Variants in CYP4X1 observed in about 807,000 individuals in gnomAD.
CYP4X1 encodes cytochrome P450 4X1.
CYP4X1 carries 44 observed loss-of-function variants against 57.9 expected under a neutral mutation model. That is an observed-to-expected ratio of 0.76 (90% CI 0.60 to 0.98). The LOEUF is 0.98. Among genes scored for constraint, CYP4X1 ranks in the 50% least tolerant of loss-of-function variants. CYP4X1 has a pLI of 0.00. For synonymous variants in CYP4X1, 227 were observed against 228.6 expected (o/e 0.99, Z 0.06); for missense variants, 532 against 623.9 (o/e 0.85, Z 1.57).
At chr1:47,051,819 G>GTACAAACCCAAATAAAT (rs1644361712), downstream of CYP4X1, among the ~76,000 whole-genome samples, 1 of 151,850 alleles carries the variant, frequency 6.6e-6, no homozygotes, top group South Asian at 2.1e-4. Flanking sequence ...TTTTTTTCTG[G>GTACAAACCCAAATAAAT]TACAAACCCA....
At position 47,036,071 on chromosome 1, in the gene CYP4X1, C is replaced by T. The variant is rs1308275603; in HGVS notation, c.675C>T (p.His225=). Reference sequence around the variant, plus strand: ...TTGAACTCAGCAAAATCATATTTCACCGCTTGTACAGTTTGTTGTATCACA... The same window carrying T: ...TTGAACTCAGCAAAATCATATTTCATCGCTTGTACAGTTTGTTGTATCACA... The part of the protein sequence containing the change: ...AIFELSKIIF[H]RLYSLLYHSD... Residue 225 remains histidine, a synonymous_variant, in exon 6 of 12, where the codon CAC becomes CAT. Transcript: ENST00000371901. 1.9e-6 allele frequency: 3 copies of T among 1,613,724 alleles called. No individual in the cohort carries two copies. Among genetic ancestry groups the T allele is most frequent in the South Asian group, 2.2e-5 (2 of 91,036 alleles).
At chr1:47,011,926 G>T in the CYP4X1 span, among the ~76,000 whole-genome samples, 6,408 of 152,192 alleles carry the variant, frequency 0.042, 442 homozygotes, top group African/African-American at 0.15. Context: ...CTGGAGAGGA[G>T]GTGGAGAAAT....
the CYP4X1 span, among the ~76,000 whole-genome samples, chr1:46,981,215 A>T: frequency 6.6e-6 from 1 of 152,168 alleles, no homozygotes; most frequent in African/African-American, 2.4e-5. Context: ...ATGGGAGAAA[A>T]TTTTTGCAAT....
rs748724526 is a variant in CYP4X1, at chr1:47,023,991, G to A, written c.174G>A (p.Gln58=). The A allele has an allele frequency of 6.2e-7, 1 of 1,612,148 alleles. No individual in the cohort carries two copies. The highest frequency in any genetic ancestry group is 1.1e-5 in the South Asian group (1 of 90,926). ...CCACCCACTGGTTCCTTGGGCACCA[G>A]AAGGTAGATGGGAGGGAGGAGGGAG... ...APPTHWFLGH[Q]KFIQDDNMEK... is the part of the protein sequence containing the mutation. The change falls in exon 1 of 12, where the codon CAG becomes CAA. Residue 58 remains glutamine (Q), a synonymous_variant. Coordinates refer to ENST00000371901, the MANE Select transcript of CYP4X1 (RefSeq NM_178033.2).
At chr1:46,990,827 A>C in the CYP4X1 span, among the ~76,000 whole-genome samples, 1 of 151,978 alleles carries the variant, frequency 6.6e-6, no homozygotes, top group African/African-American at 2.4e-5. Flanking sequence ...GCATGTTCTC[A>C]CTCATAAGTG....
In CYP4X1 at chr1:47,030,041, C is replaced by G; in HGVS notation, c.229C>G (p.Pro77Ala). The G allele has an allele frequency of 1.2e-6, 2 of 1,614,010 alleles. No individual in the cohort carries two copies. Among genetic ancestry groups the G allele is most frequent in the Non-Finnish European group, 1.7e-6 (2 of 1,179,968 alleles). ...GCTTGAGGAAATTATTGAAAAATAC[C>G]CTCGTGCCTTCCCTTTCTGGATTGG... ...EKLEEIIEKY[P>A]RAFPFWIGPF... Residue 77 changes from proline to alanine, a missense_variant, in exon 2 of 12, where the codon CCT (proline) becomes GCT (alanine). Transcript: ENST00000371901.
intron 1 of CYP4X1, among the ~76,000 whole-genome samples, chr1:47,026,964 C>G (rs1433817696): frequency 6.6e-6 from 1 of 152,088 alleles, no homozygotes; most frequent in Non-Finnish European, 1.5e-5. Flanking sequence ...ATCCACCCGC[C>G]TCACCCTCCC....
intron 8 of CYP4X1, among the ~76,000 whole-genome samples, chr1:47,042,043 C>T (rs144549051): frequency 1.7e-3 from 258 of 152,184 alleles, no homozygotes; most frequent in African/African-American, 5.9e-3. Context: ...ACTGCCCTTT[C>T]ACCACTGTAT....
chr1:47,012,789 A>G, the CYP4X1 span, among the ~76,000 whole-genome samples: 1 of 152,208 alleles, frequency 6.6e-6, no homozygotes, highest in Non-Finnish European at 1.5e-5. Flanking sequence ...AAGATATGTA[A>G]AAGTGACATA....
chr1:47,024,261 AG>A (rs1214473758), intron 1 of CYP4X1, among the ~76,000 whole-genome samples: 1 of 152,254 alleles, frequency 6.6e-6, no homozygotes, highest in Non-Finnish European at 1.5e-5. Flanking sequence ...ATATGGAAAA[AG>A]AAAGCGAGCT....
In CYP4X1 at chr1:47,050,303, G is replaced by C; in HGVS notation, c.*129G>C. The C allele has an allele frequency of 2.1e-6, 2 of 946,852 alleles. No homozygotes were observed. The highest frequency in any genetic ancestry group is 3.2e-6 in the Non-Finnish European group (2 of 632,018). The allele number at this position is 946,852 out of a possible 1,614,324, so 58.7% of individuals were successfully genotyped here. ...AGGTTGGTGGGATAGGGGTCTCTGT[G>C]AAGAGATCCAAAATCATTTCTAGGT... On this transcript the variant is annotated 3_prime_UTR_variant, in exon 12 of 12. Transcript: ENST00000371901.
At chr1:47,049,588 C>A (rs1236574954) in intron 11 of CYP4X1, 84 bp downstream of exon 11, 2 of 1,236,020 alleles carry the variant, frequency 1.6e-6, no homozygotes, top group Non-Finnish European at 2.4e-6. Context: ...CAGCTCTATA[C>A]ATTCTTCCAG....
chr1:47,047,028 T>C lies in CYP4X1; in HGVS notation c.1207+428T>C, dbSNP rs1036777471. On this transcript the variant is annotated intron_variant, in intron 9 of 11. Transcript: ENST00000371901. ...CTTATAAATATACAACATTTAATAG[T>C]TAATATAGAGCCTTCAGACCCATTA... Among the ~76,000 whole-genome samples the C allele has an allele frequency of 2.0e-5, 3 of 152,184 alleles. No homozygotes were observed. The East Asian group carries it at 5.8e-4, about 29-fold the overall frequency.
intron 8 of CYP4X1, 179 bp downstream of exon 8, chr1:47,039,711 A>G (rs1471991917): frequency 3.2e-5 from 2 of 62,152 alleles, no homozygotes; most frequent in Non-Finnish European, 5.2e-5. Flanking sequence ...GTCTTTCAGG[A>G]AAAAAAAAAA....
the CYP4X1 span, among the ~76,000 whole-genome samples, chr1:47,000,454 T>C: frequency 6.6e-6 from 1 of 152,172 alleles, no homozygotes; most frequent in Non-Finnish European, 1.5e-5. Context: ...CTCTATGCTT[T>C]CTGGGGGGTT....
the CYP4X1 span, among the ~76,000 whole-genome samples, chr1:46,966,130 T>C: frequency 1.7e-4 from 26 of 152,236 alleles, no homozygotes; most frequent in African/African-American, 6.3e-4. Flanking sequence ...CTCAACACTT[T>C]TCAGGCAGAT....
At chr1:47,048,811 A>G (rs1040933583) in intron 10 of CYP4X1, among the ~76,000 whole-genome samples, 182 bp downstream of exon 10, 29 of 152,374 alleles carry the variant, frequency 1.9e-4, no homozygotes, top group African/African-American at 7.0e-4. Flanking sequence ...CTTGACGTGT[A>G]TCAGTGATTT....
the CYP4X1 span, chr1:46,961,741 T>G: frequency 7.6e-7 from 1 of 1,311,630 alleles, no homozygotes; most frequent in Non-Finnish European, 1.0e-6. Flanking sequence ...GTATGACTTC[T>G]TCCTCCAGTG....
chr1:47,051,392 A>AAG (rs34596079), downstream of CYP4X1, among the ~76,000 whole-genome samples: 3 of 151,434 alleles, frequency 2.0e-5, no homozygotes, highest in South Asian at 6.3e-4. Flanking sequence ...AAAAAAAAAA[A>AAG]GGACACCAAA....
Sources: gnomAD v4.1 joint callset for allele counts (sites outside exome capture counted in the v4.1 genomes callset) on GRCh38, gnomAD v4.1.1 for gene constraint, MANE v1.5 for transcripts, NCBI Gene and HGNC (gene_info 2026-07-23, HGNC 2026-07-21) for gene names.